The following TUSC3 variants were observed in gnomAD, a reference collection of about 807,000 sequenced individuals.
TUSC3 encodes dolichyl-diphosphooligosaccharide--protein glycosyltransferase subunit TUSC3.
Under a neutral mutation model 44.8 loss-of-function variants are expected in TUSC3, and 45 were observed. That is an observed-to-expected ratio of 1.00 (90% CI 0.79 to 1.29). The LOEUF is 1.29. TUSC3 is among the 50% of genes most tolerant of loss of function. The pLI is 0.00. For synonymous variants in TUSC3, 212 were observed against 152.9 expected (o/e 1.39, Z -2.85); for missense variants, 519 against 437.9 (o/e 1.19, Z -1.65).
chr8:15,649,426 T>C (rs1319354413), intron 2 of TUSC3, among the ~76,000 whole-genome samples: 3 of 151,756 alleles, frequency 2.0e-5, no homozygotes, highest in Admixed American at 6.6e-5. Flanking sequence ...CTACTAAAAA[T>C]AGAAAAAATT....
At chr8:15,482,860 C>G (rs79027206) in intron 1 of TUSC3, among the ~76,000 whole-genome samples, 1 of 152,120 alleles carries the variant, frequency 6.6e-6, no homozygotes, top group South Asian at 2.1e-4. Context: ...ACATGACTTT[C>G]TTCACCTTTT....
At chr8:15,500,022 C>G (rs557568699) in intron 2 of TUSC3, among the ~76,000 whole-genome samples, 1 of 152,252 alleles carries the variant, frequency 6.6e-6, no homozygotes, top group South Asian at 2.1e-4. Flanking sequence ...TATTTTCTAA[C>G]CCATCTTAGC....
At chr8:15,721,879 C>G (rs1039999014) in intron 6 of TUSC3, among the ~76,000 whole-genome samples, 7 of 151,796 alleles carry the variant, frequency 4.6e-5, no homozygotes, top group African/African-American at 7.3e-5. Context: ...GAGAAGCTCT[C>G]TAATTGGTAT....
At chr8:15,564,114 A>G (rs1324237906) in intron 1 of TUSC3, among the ~76,000 whole-genome samples, 1 of 152,140 alleles carries the variant, frequency 6.6e-6, no homozygotes, top group African/African-American at 2.4e-5. Flanking sequence ...AAATTTTTAA[A>G]AAGTGTCTTT....
At position 15,438,203 on chromosome 8, in the gene TUSC3, T is replaced by A. The variant is rs1799975783; in HGVS notation, n.91+20898T>A. Among the ~76,000 whole-genome samples, 4 of 152,274 alleles carry A rather than the reference T, an allele frequency of 2.6e-5. No homozygotes were observed. In the South Asian group the frequency reaches 8.3e-4, roughly 32 times the overall value. On this transcript the variant is annotated intron_variant and non_coding_transcript_variant, in intron 1 of 5. Coordinates refer to the TUSC3 transcript ENST00000503191. ...TCCGTCTCCTGGGTTCAACTGAATC[T>A]CCTGCCTCAGCCTCCCAAGCAGCTA...
At chr8:15,812,354 CA>C in the TUSC3 span, among the ~76,000 whole-genome samples, 1 of 152,050 alleles carries the variant, frequency 6.6e-6, no homozygotes, top group Non-Finnish European at 1.5e-5. Flanking sequence ...CTATGGGAGT[CA>C]AAATATGAAA....
chr8:15,571,044 C>A (rs1802857442), intron 1 of TUSC3, among the ~76,000 whole-genome samples: 1 of 134,492 alleles, frequency 7.4e-6, no homozygotes, highest in African/African-American at 2.7e-5. Flanking sequence ...GCAACCTCTA[C>A]CTCCTAGGTT....
downstream of TUSC3, among the ~76,000 whole-genome samples, chr8:15,771,254 C>G (rs1812435227): frequency 1.3e-5 from 2 of 152,128 alleles, no homozygotes; most frequent in South Asian, 4.1e-4. Flanking sequence ...TTGGAAAATA[C>G]TCCTCAAATG....
intron 2 of TUSC3, among the ~76,000 whole-genome samples, chr8:15,638,982 C>G (rs144879569): frequency 6.8e-6 from 1 of 147,052 alleles, no homozygotes; most frequent in African/African-American, 2.5e-5. Flanking sequence ...TGCTAGATCA[C>G]GTGATGTTCA....
At chr8:15,834,820 A>G in the TUSC3 span, among the ~76,000 whole-genome samples, 3 of 152,200 alleles carry the variant, frequency 2.0e-5, no homozygotes, top group Admixed American at 1.3e-4. Context: ...CCCTTGAACA[A>G]CAAGGGTTTT....
In TUSC3 at chr8:15,734,668, C is replaced by T. The variant is rs564302536; in HGVS notation, c.862+3939C>T. Among the ~76,000 whole-genome samples the T allele has an allele frequency of 3.0e-4, 46 of 152,140 alleles. 1 individual carries two copies. Among genetic ancestry groups the T allele is most frequent in the Middle Eastern group, 3.4e-3 (1 of 294 alleles). On this transcript the variant is annotated intron_variant, in intron 7 of 10. Coordinates refer to ENST00000503731, the MANE Select transcript of TUSC3 (RefSeq NM_006765.4). ...TATAATACAGTGAGACAAATGTATG[C>T]GAAGGCAAAGGAAGTAGCAAGAGAG...
At chr8:15,653,219 A>G (rs1490922192) in intron 3 of TUSC3, among the ~76,000 whole-genome samples, 4 of 152,156 alleles carry the variant, frequency 2.6e-5, no homozygotes, top group Admixed American at 1.3e-4. Context: ...TGGAGAGAGG[A>G]TTTGCTTGAC....
At chr8:15,444,713 T>G (rs1800068421) in intron 1 of TUSC3, among the ~76,000 whole-genome samples, 1 of 152,182 alleles carries the variant, frequency 6.6e-6, no homozygotes, top group Admixed American at 6.5e-5. Context: ...TTTGTCAGTA[T>G]CTCCCAAGTA....
rs1385365848 is a variant in TUSC3 at position 15,579,226 on chromosome 8, G to GC, written c.138+38659dup. On this transcript the variant is annotated intron_variant, in intron 1 of 10. Coordinates refer to ENST00000503731, the MANE Select transcript of TUSC3 (RefSeq NM_006765.4). ...CTCTCTTTTTTTCTTTATTAGTCTT[G>GC]CTAGTGGTCTATCAATTTTGTTGAT... is the stretch of plus-strand genomic sequence containing the variant. 2.1e-5 allele frequency among the ~76,000 whole-genome samples: 3 copies of GC among 142,654 alleles called. No individual in the cohort carries two copies. The Admixed American group carries it at 2.1e-4, about 10-fold the overall frequency. 93.6% of individuals were successfully genotyped at this position (142,654 alleles called of 152,430 possible). A position where few individuals can be genotyped will look rare whatever the true frequency, so the allele number is the denominator to read the frequency against.
chr8:15,847,345 G>A, the TUSC3 span, among the ~76,000 whole-genome samples: 3 of 152,154 alleles, frequency 2.0e-5, no homozygotes, highest in Admixed American at 1.3e-4. Flanking sequence ...CCTAGACACG[G>A]TACATGATTC....
At chr8:15,531,308 T>C (rs1801445625) in intron 2 of TUSC3, among the ~76,000 whole-genome samples, 1 of 152,188 alleles carries the variant, frequency 6.6e-6, no homozygotes, top group Non-Finnish European at 1.5e-5. Context: ...TCTCCCAGGC[T>C]GGAGTACAAT....
At chr8:15,438,147 T>C (rs1234708595) in intron 1 of TUSC3, among the ~76,000 whole-genome samples, 1 of 152,106 alleles carries the variant, frequency 6.6e-6, no homozygotes, top group Admixed American at 6.6e-5. Context: ...CAGGCTGGAG[T>C]GCAATGGCAC....
intron 1 of TUSC3, among the ~76,000 whole-genome samples, chr8:15,598,674 A>T (rs1171425966): frequency 6.6e-6 from 1 of 151,810 alleles, no homozygotes; most frequent in Non-Finnish European, 1.5e-5. Flanking sequence ...TCAGAATGTC[A>T]TAAAGTTGGA....
chr8:15,578,606 C>T (rs1414787247), intron 1 of TUSC3, among the ~76,000 whole-genome samples: 1 of 148,804 alleles, frequency 6.7e-6, no homozygotes, highest in Non-Finnish European at 1.5e-5. Flanking sequence ...TGTTTATATG[C>T]TGGATTACAT....
Sources: allele counts gnomAD v4.1 joint callset (sites outside exome capture counted in the v4.1 genomes callset), GRCh38; gene constraint gnomAD v4.1.1; transcripts MANE v1.5; gene names NCBI Gene and HGNC (gene_info 2026-07-23, HGNC 2026-07-21).